SCEL: variants seen among roughly 807,000 people sequenced by gnomAD.
SCEL encodes sciellin.
SCEL carries 113 observed loss-of-function variants against 117.6 expected under a neutral mutation model. The observed-to-expected ratio is 0.96, with a 90% CI of 0.83 to 1.12. The LOEUF (loss-of-function observed/expected upper bound fraction) is 1.12. Among genes scored for constraint, SCEL ranks in the 50% most tolerant of loss-of-function variants. The probability of loss-of-function intolerance (pLI) is 0.00; values close to 1 mark genes in which losing one functional copy is unlikely to be tolerated. For synonymous variants in SCEL, 270 were observed against 256.2 expected, an observed-to-expected ratio of 1.05 and a Z score of -0.51; for missense variants, 785 against 810.8, an observed-to-expected ratio of 0.97 and a Z score of 0.39.
intron 18 of SCEL, among the ~76,000 whole-genome samples, chr13:77,603,573 C>T (rs1267247953): frequency 1.3e-5 from 2 of 152,152 alleles, no homozygotes; most frequent in Non-Finnish European, 2.9e-5. Context: ...GAGTGAGGAC[C>T]TCCCACCACT....
chr13:77,603,964 G>C (rs1312066710), intron 18 of SCEL, among the ~76,000 whole-genome samples: 1 of 152,094 alleles, frequency 6.6e-6, no homozygotes, highest in African/African-American at 2.4e-5. Flanking sequence ...ATAGGCAATT[G>C]TATCCAGTTT....
chr13:77,578,001 C>T (rs1406167091), intron 9 of SCEL, among the ~76,000 whole-genome samples: 2 of 152,142 alleles, frequency 1.3e-5, no homozygotes, highest in Non-Finnish European at 2.9e-5. Flanking sequence ...CATAACAAAA[C>T]ACAACATATT....
At chr13:77,572,252 A>G in intron 9 of SCEL, 63 bp downstream of exon 9, 4 of 1,268,348 alleles carry the variant, frequency 3.2e-6, no homozygotes, top group Non-Finnish European at 4.6e-6. Context: ...TCAGACATTG[A>G]CAACATATAA....
chr13:77,633,446 A>AAAAAAAAACAAAAACAAAAAC (rs2090126783), intron 28 of SCEL, among the ~76,000 whole-genome samples: 1 of 128,000 alleles, frequency 7.8e-6, no homozygotes, highest in Non-Finnish European at 1.5e-5. Context: ...CCGCCTCAAA[A>AAAAAAAAACAAAAACAAAAAC]AAAAAAAAAA....
intron 9 of SCEL, among the ~76,000 whole-genome samples, chr13:77,573,867 A>G (rs556199798): frequency 6.6e-6 from 1 of 152,288 alleles, no homozygotes; most frequent in East Asian, 1.9e-4. Context: ...TATGAATTAC[A>G]TTTGGAGTTT....
chr13:77,601,844 T>G (rs1344428273), intron 15 of SCEL, among the ~76,000 whole-genome samples: 4 of 152,192 alleles, frequency 2.6e-5, no homozygotes, highest in African/African-American at 9.7e-5. Context: ...GAGTAATGGT[T>G]GGTATCTTAG....
intron 28 of SCEL, among the ~76,000 whole-genome samples, chr13:77,628,630 C>T (rs996627823): frequency 6.6e-6 from 1 of 152,038 alleles, no homozygotes; most frequent in Non-Finnish European, 1.5e-5. Flanking sequence ...CAATTCTTAC[C>T]CCTACATATG....
Position 77,612,450 on chromosome 13 carries a change from T to C in SCEL, c.1338-441T>C, listed in dbSNP as rs564924211. ...TAGAATCAGAAAATAACTGCTTTTT[T>C]CTTTTCTTTTTTTTTTTTTTTTTTT... On this transcript the variant is annotated intron_variant, in intron 22 of 32. Transcript: ENST00000349847. Among the ~76,000 whole-genome samples, 270 of 95,586 alleles carry C rather than the reference T, an allele frequency of 2.8e-3. 2 individuals are homozygous for C. Among genetic ancestry groups the C allele is most frequent in the African/African-American group, 0.012 (244 of 20,782 alleles). 62.7% of individuals were successfully genotyped at this position (95,586 alleles called of 152,430 possible). A position where few individuals can be genotyped will look rare whatever the true frequency, so the allele number is the denominator to read the frequency against.
At chr13:77,632,068 GT>G (rs1555519871) in intron 28 of SCEL, among the ~76,000 whole-genome samples, 6 of 152,182 alleles carry the variant, frequency 3.9e-5, no homozygotes, top group Non-Finnish European at 1.5e-5. Context: ...GAGGATTCCA[GT>G]TCTGTGGCAT....
chr13:77,578,014 C>G (rs892808902), intron 9 of SCEL, among the ~76,000 whole-genome samples: 1 of 152,128 alleles, frequency 6.6e-6, no homozygotes, highest in African/African-American at 2.4e-5. Flanking sequence ...AACATATTCA[C>G]TTTTTGAGAG....
At chr13:77,621,862 C>T (rs2089443310) in intron 27 of SCEL, among the ~76,000 whole-genome samples, 1 of 152,164 alleles carries the variant, frequency 6.6e-6, no homozygotes, top group African/African-American at 2.4e-5. Flanking sequence ...GACATAATCT[C>T]AATAAACTAT....
chr13:77,614,931 T>C (rs2088914578), intron 24 of SCEL, among the ~76,000 whole-genome samples: 1 of 152,236 alleles, frequency 6.6e-6, no homozygotes, highest in South Asian at 2.1e-4. Flanking sequence ...GAGAATTCAG[T>C]AGACATAGTC....
At chr13:77,618,357 A>T (rs41308550) in intron 27 of SCEL, among the ~76,000 whole-genome samples, 8,614 of 151,238 alleles carry the variant, frequency 0.057, 349 homozygotes, top group South Asian at 0.1. Flanking sequence ...ATTTTTTAAA[A>T]TTTTTTTTAG....
intron 4 of SCEL, among the ~76,000 whole-genome samples, 163 bp from the exon 5 acceptor site, chr13:77,563,668 C>G (rs1433055061): frequency 6.6e-6 from 1 of 152,130 alleles, no homozygotes; most frequent in African/African-American, 2.4e-5. Flanking sequence ...TTTATTCTAT[C>G]CAAGTTGGAA....
Position 77,572,167 on chromosome 13 carries a change from T to A in SCEL, c.523T>A (p.Ser175Thr). ...GCCCCCTCCAGGTTACAATGCCTCC[T>A]CGAGCACAGGAACCAGGAGACGGTA... ...PPPPPGYNAS[S>T]STGTRRREPG... The change falls in exon 9 of 33, where the codon TCG becomes ACG. Residue 175 changes from serine (S) to threonine (T), a missense_variant. Ser to Thr is a moderately conservative substitution (Grantham distance 58). Transcript: ENST00000349847. 6.2e-7 allele frequency: 1 copy of A among 1,611,852 alleles called. No individual in the cohort carries two copies. Among genetic ancestry groups the A allele is most frequent in the Non-Finnish European group, 8.5e-7 (1 of 1,178,862 alleles).
At chr13:77,622,737 C>G (rs747111119) in intron 27 of SCEL, among the ~76,000 whole-genome samples, 1 of 152,040 alleles carries the variant, frequency 6.6e-6, no homozygotes, top group Non-Finnish European at 1.5e-5. Flanking sequence ...TGGCATGCAC[C>G]GGTAGTCCCA....
intron 1 of SCEL, among the ~76,000 whole-genome samples, chr13:77,546,661 A>T (rs1415749740): frequency 1.3e-5 from 2 of 151,896 alleles, no homozygotes; most frequent in East Asian, 1.9e-4. Flanking sequence ...GGAAGAGCAT[A>T]AGGCTTGAGT....
At chr13:77,592,568 T>G (rs2086936064) in intron 11 of SCEL, among the ~76,000 whole-genome samples, 1 of 150,422 alleles carries the variant, frequency 6.6e-6, no homozygotes, top group African/African-American at 2.4e-5. Flanking sequence ...CTTCCTTTTT[T>G]TTTTTTTTTT....
intron 19 of SCEL, chr13:77,606,699 C>T (rs1047331956): frequency 9.2e-5 from 14 of 152,090 alleles, no homozygotes; most frequent in African/African-American, 3.4e-4. Context: ...ATCACATTCT[C>T]AGACATCTGG....
Sources: gnomAD v4.1 joint callset for allele counts (sites outside exome capture counted in the v4.1 genomes callset) on GRCh38, gnomAD v4.1.1 for gene constraint, MANE v1.5 for transcripts, NCBI Gene and HGNC (gene_info 2026-07-23, HGNC 2026-07-21) for gene names.